MYO1B: variants seen among roughly 807,000 people sequenced by gnomAD.
MYO1B encodes the protein unconventional myosin-Ib.
MYO1B carries 72 observed loss-of-function variants against 159.7 expected under a neutral mutation model. That is an observed-to-expected ratio of 0.45 (90% CI 0.37 to 0.55). The LOEUF (loss-of-function observed/expected upper bound fraction) is 0.55. Ranked by LOEUF, MYO1B falls within the 20% of genes least tolerant of loss-of-function variation. The probability of loss-of-function intolerance (pLI) is 0.00; values close to 1 mark genes in which losing one functional copy is unlikely to be tolerated. For synonymous variants in MYO1B, 468 were observed against 473.8 expected, an observed-to-expected ratio of 0.99 and a Z score of 0.16; for missense variants, 1,062 against 1,364.8, an observed-to-expected ratio of 0.78 and a Z score of 3.50.
intron 12 of MYO1B, 148 bp downstream of exon 12, chr2:191,369,776 T>A: frequency 3.0e-6 from 2 of 672,228 alleles, no homozygotes; most frequent in Non-Finnish European, 2.5e-6. Context: ...TGTATAAGAT[T>A]GAAATTTGTC....
intron 4 of MYO1B, 96 bp downstream of exon 4, chr2:191,330,125 G>T: frequency 1.0e-6 from 1 of 992,560 alleles, no homozygotes; most frequent in Admixed American, 2.0e-5. Context: ...AAGATCTGTC[G>T]CAGGGCCACT....
At chr2:191,343,214 G>T (rs1398295373) in intron 5 of MYO1B, among the ~76,000 whole-genome samples, 2 of 152,196 alleles carry the variant, frequency 1.3e-5, no homozygotes, top group African/African-American at 2.4e-5. Context: ...GAAACTTTTG[G>T]TTCAAGTCAT....
At chr2:191,408,969 G>T in intron 25 of MYO1B, 75 bp from the exon 26 acceptor site, 1 of 1,425,264 alleles carries the variant, frequency 7.0e-7, no homozygotes, top group South Asian at 1.4e-5. Flanking sequence ...TCGTTTATTT[G>T]ATCATGATGT....
At chr2:191,363,268 A>G (rs1279192148) in intron 9 of MYO1B, among the ~76,000 whole-genome samples, 1 of 152,194 alleles carries the variant, frequency 6.6e-6, no homozygotes, top group Non-Finnish European at 1.5e-5. Context: ...GGCACTCCGT[A>G]AAAATTTATG....
intron 4 of MYO1B, among the ~76,000 whole-genome samples, chr2:191,333,635 C>T (rs951655017): frequency 6.6e-6 from 1 of 152,142 alleles, no homozygotes; most frequent in Non-Finnish European, 1.5e-5. Context: ...TCTCCTTTCT[C>T]TCTTGATTAC....
intron 5 of MYO1B, among the ~76,000 whole-genome samples, chr2:191,344,135 C>G (rs1375874860): frequency 6.6e-6 from 1 of 152,124 alleles, no homozygotes; most frequent in Non-Finnish European, 1.5e-5. Flanking sequence ...CATCTCTAGT[C>G]GGACTTGGGG....
intron 23 of MYO1B, 85 bp downstream of exon 23, chr2:191,400,920 C>A: frequency 1.6e-6 from 2 of 1,286,930 alleles, no homozygotes; most frequent in Non-Finnish European, 1.1e-6. Context: ...GGATGAATGA[C>A]TACAATTAAT....
intron 7 of MYO1B, among the ~76,000 whole-genome samples, chr2:191,360,138 G>A (rs1197437674): frequency 6.6e-6 from 1 of 152,122 alleles, no homozygotes; most frequent in Non-Finnish European, 1.5e-5. Flanking sequence ...TAAACTCCTG[G>A]ACTATCAGTG....
intron 15 of MYO1B, 32 bp from the exon 16 acceptor site, chr2:191,385,852 G>A (rs2126086061): frequency 1.9e-6 from 3 of 1,606,498 alleles, no homozygotes; most frequent in East Asian, 2.2e-5. Context: ...TAGTGAGGAA[G>A]GAAGGAAACT....
chr2:191,276,545 GAA>G (rs1687762035), intron 1 of MYO1B, among the ~76,000 whole-genome samples: 1 of 152,186 alleles, frequency 6.6e-6, no homozygotes, highest in Admixed American at 6.5e-5. Context: ...AGGGCTGAGG[GAA>G]AGTAGGGGTG....
chr2:191,378,133 G>A (rs149354457), intron 13 of MYO1B, among the ~76,000 whole-genome samples: 1 of 151,952 alleles, frequency 6.6e-6, no homozygotes, highest in Non-Finnish European at 1.5e-5. Context: ...GCCTTAGCAC[G>A]GTACTACACA....
chr2:191,362,810 A>T (rs915417764), intron 9 of MYO1B, among the ~76,000 whole-genome samples: 1 of 152,240 alleles, frequency 6.6e-6, no homozygotes, highest in African/African-American at 2.4e-5. Flanking sequence ...ATTAGAAAAG[A>T]TGATTTTAAA....
At chr2:191,370,110 A>G (rs1281686727) in intron 12 of MYO1B, 117 bp from the exon 13 acceptor site, 1 of 682,616 alleles carries the variant, frequency 1.5e-6, no homozygotes, top group Admixed American at 3.0e-5. Context: ...CAACTAAATT[A>G]GTTATTTTCT....
chr2:191,251,357 T>C lies in MYO1B; in HGVS notation c.-10+5731T>C, dbSNP rs181272266. On this transcript the variant is annotated intron_variant, in intron 1 of 30. Transcript: ENST00000392318. ...TGGATGCCATTGCAGAGCTGGGTTT[T>C]GGGAAGAGAGTTGGGGTGAAATTTG... is the stretch of plus-strand genomic sequence containing the variant. Among the ~76,000 whole-genome samples, 95 of 152,354 alleles carry C rather than the reference T, an allele frequency of 6.2e-4. 1 individual carries two copies. In the East Asian group the frequency reaches 0.011, roughly 17 times the overall value.
At chr2:191,268,179 A>G (rs1687252914) in intron 1 of MYO1B, among the ~76,000 whole-genome samples, 1 of 152,214 alleles carries the variant, frequency 6.6e-6, no homozygotes, top group Non-Finnish European at 1.5e-5. Flanking sequence ...TAAAGAACAG[A>G]CATTTATTTC....
At chr2:191,356,500 A>T (rs1470018776) in intron 7 of MYO1B, among the ~76,000 whole-genome samples, 1 of 152,142 alleles carries the variant, frequency 6.6e-6, no homozygotes, top group Non-Finnish European at 1.5e-5. Context: ...ATGAAAGTAG[A>T]TGCTTTCTCT....
chr2:191,413,036 AT>A (rs1697344998), intron 27 of MYO1B, among the ~76,000 whole-genome samples: 1 of 152,196 alleles, frequency 6.6e-6, no homozygotes, highest in Non-Finnish European at 1.5e-5. Context: ...ATGTGATGAG[AT>A]TATTATCAAA....
chr2:191,346,896 G>A (rs1384837198), intron 6 of MYO1B, among the ~76,000 whole-genome samples: 1 of 152,176 alleles, frequency 6.6e-6, no homozygotes, highest in East Asian at 1.9e-4. Context: ...CCTGTGCCTT[G>A]CATGTTGACG....
intron 2 of MYO1B, among the ~76,000 whole-genome samples, chr2:191,279,000 G>A (rs1344051497): frequency 1.3e-5 from 2 of 152,168 alleles, no homozygotes; most frequent in Non-Finnish European, 2.9e-5. Flanking sequence ...CTGATTTGTT[G>A]TGGCCACTAA....
Sources: allele counts gnomAD v4.1 joint callset (sites outside exome capture counted in the v4.1 genomes callset), GRCh38; gene constraint gnomAD v4.1.1; transcripts MANE v1.5; gene names NCBI Gene and HGNC (gene_info 2026-07-23, HGNC 2026-07-21).